The following CPLANE1 variants were observed in gnomAD, a reference collection of about 807,000 sequenced individuals.
The protein encoded by CPLANE1 is ciliogenesis and planar polarity effector complex subunit 1.
In CPLANE1, 263 loss-of-function variants were observed where a neutral mutation model predicts 362.5. That is an observed-to-expected ratio of 0.73 (90% CI 0.66 to 0.80). The LOEUF is 0.80. Ranked by LOEUF, CPLANE1 falls within the 30% of genes least tolerant of loss-of-function variation. The pLI, the probability that CPLANE1 is intolerant of heterozygous loss-of-function variation, is 0.00. For missense variants in CPLANE1, 3,461 were observed against 3,793.4 expected (o/e 0.91, Z 2.30); for synonymous variants, 1,212 against 1,302.6 (o/e 0.93, Z 1.50).
intron 21 of CPLANE1, among the ~76,000 whole-genome samples, chr5:37,190,565 C>A (rs1785247673): frequency 6.6e-6 from 1 of 151,934 alleles, no homozygotes; most frequent in Non-Finnish European, 1.5e-5. Context: ...TATATATCAA[C>A]CAAAATGCAA....
intron 41 of CPLANE1, among the ~76,000 whole-genome samples, chr5:37,155,728 TTCTC>T (rs1313566282): frequency 6.6e-6 from 1 of 152,252 alleles, no homozygotes; most frequent in Non-Finnish European, 1.5e-5. Flanking sequence ...GCAAAATCTA[TTCTC>T]TCTGTCTGAT....
downstream of CPLANE1, among the ~76,000 whole-genome samples, chr5:37,105,180 G>A (rs941342620): frequency 1.3e-5 from 2 of 152,010 alleles, no homozygotes; most frequent in African/African-American, 4.8e-5. Flanking sequence ...CGCACCTGGA[G>A]TCCCAGCTAC....
chr5:37,119,852 T>G (rs1762140022), intron 50 of CPLANE1, among the ~76,000 whole-genome samples: 1 of 150,586 alleles, frequency 6.6e-6, no homozygotes, highest in South Asian at 2.1e-4. Flanking sequence ...CCGGGCGTGG[T>G]GGTGGGCGCC....
At chr5:37,131,373 C>A (rs1005233285) in intron 46 of CPLANE1, among the ~76,000 whole-genome samples, 1 of 152,146 alleles carries the variant, frequency 6.6e-6, no homozygotes, top group Admixed American at 6.6e-5. Context: ...ACTCTAGCTA[C>A]ATCTAATTCC....
intron 18 of CPLANE1, among the ~76,000 whole-genome samples, chr5:37,204,083 T>C (rs962986142): frequency 7.2e-5 from 11 of 152,220 alleles, no homozygotes; most frequent in Admixed American, 1.3e-4. Context: ...TAAAACAACA[T>C]ATTGCCAAAA....
rs1579740974 is a variant in CPLANE1, at chr5:37,108,430, GT to G, written c.9441del (p.Lys3147AsnfsTer16). ...APCHSLQHTK[K>X]HGSAGLAPQT... ...TGAGGTGCAAGCCCAGCACTTCCATGTTTTTTTGTATGCTGCAGACTATGAC... is the reference window on the plus strand; with the variant it reads ...TGAGGTGCAAGCCCAGCACTTCCATGTTTTTTGTATGCTGCAGACTATGAC... On this transcript the variant is annotated frameshift_variant, in exon 52 of 53. Coordinates refer to ENST00000651892, the MANE Select transcript of CPLANE1 (RefSeq NM_001384732.1). LOFTEE classifies it high-confidence loss of function. 6.2e-7 allele frequency: 1 copy of G among 1,614,080 alleles called. No individual in the cohort carries two copies. Among genetic ancestry groups the G allele is most frequent in the Non-Finnish European group, 8.5e-7 (1 of 1,180,004 alleles).
chr5:37,195,710 TAC>T (rs1787211432), intron 21 of CPLANE1, 146 bp downstream of exon 21: 1 of 639,408 alleles, frequency 1.6e-6, no homozygotes, highest in African/African-American at 1.9e-5. Context: ...CATATATATA[TAC>T]ATAGCTGTTA....
chr5:37,245,015 G>A (rs1305431249), intron 4 of CPLANE1, among the ~76,000 whole-genome samples: 1 of 151,960 alleles, frequency 6.6e-6, no homozygotes, highest in African/African-American at 2.4e-5. Context: ...AGCCGGGCAT[G>A]GTGGCTGGCG....
Position 37,206,243 on chromosome 5 carries a change from C to G in CPLANE1, c.3103G>C (p.Gly1035Arg). The change falls in exon 17 of 53, where the codon GGT (glycine) becomes CGT (arginine). Residue 1035 changes from glycine to arginine, a missense_variant. Physicochemically the swap from Gly to Arg is moderately radical, Grantham distance 125. This residue lies in a region of CPLANE1 where 3,380 missense variants were observed against 3,666.1 expected (regional missense o/e 0.92). Transcript: ENST00000651892. Reference protein sequence around the residue: ...LGDWKTSVSIGVAFQLFCKRD... With the variant: ...LGDWKTSVSIRVAFQLFCKRD... ...TTACAGAACAGCTGGAAAGCCACAC[C>G]AATTGAAACAGACGTCTTCCAGTCT... is the stretch of plus-strand genomic sequence containing the variant. The G allele has an allele frequency of 6.4e-7, 1 of 1,551,780 alleles. No individual in the cohort carries two copies. Among genetic ancestry groups the G allele is most frequent in the Non-Finnish European group, 8.7e-7 (1 of 1,147,010 alleles).
chr5:37,185,738 C>A (rs1484448558), intron 24 of CPLANE1, among the ~76,000 whole-genome samples: 1 of 152,006 alleles, frequency 6.6e-6, no homozygotes, highest in Non-Finnish European at 1.5e-5. Context: ...AAAAATTCTG[C>A]AACATTGTAA....
chr5:37,170,323 C>A lies in CPLANE1; in HGVS notation c.6180G>T (p.Gln2060His), dbSNP rs779417324. Reference sequence around the variant, plus strand: ...TTTGCATTAGGCTCATGAAGTTGATCTGTTGCAGCTTGAATAAAACAAAAA... The same window carrying A: ...TTTGCATTAGGCTCATGAAGTTGATATGTTGCAGCTTGAATAAAACAAAAA... ...DEMFKLVQLQ[Q>H]INFMSLMQIV... Residue 2060 changes from glutamine (Q) to histidine (H), a missense_variant, in exon 33 of 53, where the codon CAG becomes CAT. Coordinates refer to ENST00000651892, the MANE Select transcript of CPLANE1 (RefSeq NM_001384732.1). The A allele has an allele frequency of 2.5e-6, 4 of 1,605,928 alleles. No homozygotes were observed. In the South Asian group the frequency reaches 4.5e-5, roughly 18 times the overall value.
At chr5:37,238,827 G>GA (rs781690549) in intron 8 of CPLANE1, 30 bp downstream of exon 8, 73 of 1,306,204 alleles carry the variant, frequency 5.6e-5, no homozygotes, top group South Asian at 1.3e-4. Flanking sequence ...AAGAAAAAAA[G>GA]AAAAAAAAGA....
chr5:37,127,340 T>C (rs1437248497), intron 46 of CPLANE1, among the ~76,000 whole-genome samples: 1 of 152,190 alleles, frequency 6.6e-6, no homozygotes, highest in East Asian at 1.9e-4. Flanking sequence ...CCCAGTTTTA[T>C]TGCATCCTCC....
intron 46 of CPLANE1, among the ~76,000 whole-genome samples, chr5:37,133,350 T>TA (rs1297914579): frequency 6.6e-6 from 1 of 152,194 alleles, no homozygotes; most frequent in Non-Finnish European, 1.5e-5. Flanking sequence ...GTTGAATCTA[T>TA]AGATTGCTTT....
At position 37,201,956 on chromosome 5, in the gene CPLANE1, A is replaced by T. The variant is rs572522873; in HGVS notation, c.3290-148T>A. The T allele has an allele frequency of 1.8e-4, 107 of 602,612 alleles. 2 individuals carry two copies. The South Asian group carries it at 2.1e-3, about 12-fold the overall frequency. 37.3% of individuals were successfully genotyped at this position (602,612 alleles called of 1,614,324 possible). ...ACAAACATCCAAACTTACAGACAGA[A>T]ATTACAAACTATCTTGTTACTTTAA... On this transcript the variant is annotated intron_variant, in intron 18 of 52. Transcript: ENST00000651892.
intron 50 of CPLANE1, 55 bp downstream of exon 50, chr5:37,120,161 G>A: frequency 6.5e-7 from 1 of 1,546,936 alleles, no homozygotes. Context: ...CAACTTTGGA[G>A]ACAAGAAGGA....
chr5:37,097,331 CA>C, the CPLANE1 span, among the ~76,000 whole-genome samples: 6 of 151,970 alleles, frequency 3.9e-5, no homozygotes, highest in African/African-American at 1.4e-4. Context: ...AAACAACAAC[CA>C]AAAAAACCAT....
chr5:37,178,444 T>C (rs1382863649), intron 29 of CPLANE1, among the ~76,000 whole-genome samples: 1 of 140,940 alleles, frequency 7.1e-6, no homozygotes, highest in Non-Finnish European at 1.6e-5. Flanking sequence ...CAAAAAAATG[T>C]TTTTTTTTTT....
chr5:37,156,184 A>C (rs1775053823), intron 41 of CPLANE1, among the ~76,000 whole-genome samples: 1 of 152,200 alleles, frequency 6.6e-6, no homozygotes, highest in Admixed American at 6.5e-5. Flanking sequence ...CACAGGGCTG[A>C]CTAGGTCCAT....
Sources: allele counts gnomAD v4.1 joint callset (sites outside exome capture counted in the v4.1 genomes callset), GRCh38; gene constraint gnomAD v4.1.1; regional missense constraint gnomAD v4.1.1; transcripts MANE v1.5; gene names NCBI Gene and HGNC (gene_info 2026-07-23, HGNC 2026-07-21).